Variants in ADAD1 observed in about 807,000 individuals in gnomAD.
ADAD1 encodes the protein adenosine deaminase domain-containing protein 1.
Under a neutral mutation model 66.8 loss-of-function variants are expected in ADAD1, and 46 were observed. The ratio of observed to expected loss-of-function variants is 0.69; its 90% CI spans 0.54 to 0.88. The LOEUF (loss-of-function observed/expected upper bound fraction) is 0.88. Among genes scored for constraint, ADAD1 ranks in the 40% least tolerant of loss-of-function variants. The pLI is 0.00. For synonymous variants in ADAD1, 248 were observed against 229.4 expected (o/e 1.08, Z -0.73); for missense variants, 617 against 681.8 (o/e 0.91, Z 1.06).
chr4:122,390,747 A>T (rs544877677), intron 5 of ADAD1, among the ~76,000 whole-genome samples: 79 of 152,210 alleles, frequency 5.2e-4, no homozygotes, highest in Non-Finnish European at 1.0e-3. Flanking sequence ...CTAGTTAGCA[A>T]TTCCTCTATC....
intron 4 of ADAD1, among the ~76,000 whole-genome samples, 183 bp from the exon 5 acceptor site, chr4:122,383,612 GAGTT>G (rs1374004079): frequency 6.6e-6 from 1 of 152,116 alleles, no homozygotes; most frequent in African/African-American, 2.4e-5. Flanking sequence ...TGAATCCTCA[GAGTT>G]AGTTCAGATG....
Position 122,415,362 on chromosome 4 carries a change from T to C in ADAD1, c.1250-17T>C, listed in dbSNP as rs1580795919. The stretch of plus-strand genomic sequence containing the variant: ...TCTTTTAATATTGAACTTGAGTGTT[T>C]TGTTTTTGCTTTCTAGGTGATGGGA... On this transcript the variant is annotated splice_polypyrimidine_tract_variant and intron_variant, in intron 10 of 12. Coordinates refer to ENST00000296513, the MANE Select transcript of ADAD1 (RefSeq NM_139243.4). 6.3e-7 allele frequency: 1 copy of C among 1,588,714 alleles called. No individual in the cohort carries two copies. Among genetic ancestry groups the C allele is most frequent in the Admixed American group, 1.8e-5 (1 of 57,038 alleles).
intron 7 of ADAD1, among the ~76,000 whole-genome samples, chr4:122,396,722 A>G (rs1011090500): frequency 7.2e-5 from 11 of 152,238 alleles, no homozygotes; most frequent in Admixed American, 2.0e-4. Context: ...TCTTGTGGAC[A>G]TATAATGTGA....
intron 7 of ADAD1, among the ~76,000 whole-genome samples, chr4:122,399,889 G>A (rs1384299736): frequency 6.6e-6 from 1 of 151,752 alleles, no homozygotes; most frequent in Non-Finnish European, 1.5e-5. Flanking sequence ...TATCATATCT[G>A]GGAGGTTTTT....
chr4:122,424,815 A>G (rs1797157573), intron 12 of ADAD1, among the ~76,000 whole-genome samples: 1 of 152,096 alleles, frequency 6.6e-6, no homozygotes, highest in Non-Finnish European at 1.5e-5. Context: ...TGATTCAAAT[A>G]TATGCTGTCT....
At chr4:122,413,851 C>CATAT (rs377322878) in intron 10 of ADAD1, among the ~76,000 whole-genome samples, 30,694 of 126,254 alleles carry the variant, frequency 0.24, 4,457 homozygotes, top group South Asian at 0.51. Context: ...TATGATAGAT[C>CATAT]ATATATATAT....
At chr4:122,395,648 G>C (rs1346402264) in intron 6 of ADAD1, among the ~76,000 whole-genome samples, 2 of 149,530 alleles carry the variant, frequency 1.3e-5, no homozygotes, top group Non-Finnish European at 3.0e-5. Flanking sequence ...CTGGGCAACA[G>C]AGCAAGACTC....
At chr4:122,412,884 A>G in intron 10 of ADAD1, 75 bp downstream of exon 10, 1 of 1,303,306 alleles carries the variant, frequency 7.7e-7, no homozygotes, top group East Asian at 2.3e-5. Context: ...ATCAGTATAA[A>G]ATTAGTTTTA....
chr4:122,412,879 T>G, intron 10 of ADAD1, 70 bp downstream of exon 10: 1 of 1,332,234 alleles, frequency 7.5e-7, no homozygotes, highest in Non-Finnish European at 1.0e-6. Flanking sequence ...TACTTATCAG[T>G]ATAAAATTAG....
intron 7 of ADAD1, 67 bp from the exon 8 acceptor site, chr4:122,407,841 G>A: frequency 1.3e-6 from 2 of 1,522,818 alleles, no homozygotes; most frequent in Non-Finnish European, 1.8e-6. Context: ...ATGAGATAGA[G>A]GTAAGAGGTG....
rs796919407 is a variant in ADAD1 at position 122,400,551 on chromosome 4, A to G, written c.724+4174A>G. ...TTTAGGGATCATTCCCTCTTTCTCC[A>G]TCTTTTGGAATAGTTTCAGTAAGAT... On this transcript the variant is annotated intron_variant, in intron 7 of 12. Coordinates refer to ENST00000296513, the MANE Select transcript of ADAD1 (RefSeq NM_139243.4). 3.3e-5 allele frequency among the ~76,000 whole-genome samples: 5 copies of G among 152,030 alleles called. No homozygotes were observed. In the East Asian group the frequency reaches 5.8e-4, roughly 18 times the overall value.
intron 11 of ADAD1, among the ~76,000 whole-genome samples, chr4:122,420,488 T>C (rs1216209952): frequency 1.3e-5 from 2 of 152,212 alleles, no homozygotes; most frequent in Non-Finnish European, 2.9e-5. Context: ...TTCAGAATTA[T>C]CACACTGTCT....
intron 11 of ADAD1, among the ~76,000 whole-genome samples, chr4:122,418,565 G>T (rs988449884): frequency 6.6e-6 from 1 of 151,864 alleles, no homozygotes; most frequent in East Asian, 1.9e-4. Flanking sequence ...CTCATGATCC[G>T]CCCGCCTTGG....
At chr4:122,407,554 G>A (rs938111710) in intron 7 of ADAD1, among the ~76,000 whole-genome samples, 2 of 152,174 alleles carry the variant, frequency 1.3e-5, no homozygotes, top group African/African-American at 4.8e-5. Flanking sequence ...TAAGACAGAA[G>A]CAGAATGGCA....
At chr4:122,404,599 C>T (rs555578860) in intron 7 of ADAD1, among the ~76,000 whole-genome samples, 28 of 152,198 alleles carry the variant, frequency 1.8e-4, no homozygotes, top group African/African-American at 6.5e-4. Context: ...CTTTGGTTTT[C>T]CTGGTATGTT....
rs1050296297 is a variant in ADAD1, at chr4:122,380,883, G to T, written c.173-109G>T. ...TAGTAGAAACTTAAGAAAAACATATGATGAAGTGTATCTGGGACAACCTTC... is the reference window on the plus strand; with the variant it reads ...TAGTAGAAACTTAAGAAAAACATATTATGAAGTGTATCTGGGACAACCTTC... On this transcript the variant is annotated intron_variant, in intron 3 of 12. Coordinates refer to ENST00000296513, the MANE Select transcript of ADAD1 (RefSeq NM_139243.4). 63 of 985,566 alleles carry T rather than the reference G, an allele frequency of 6.4e-5. No homozygotes were observed. In the African/African-American group the frequency reaches 9.1e-4, roughly 14 times the overall value. The allele number at this position is 985,566 out of a possible 1,614,324, so 61.1% of individuals were successfully genotyped here. A position where few individuals can be genotyped will look rare whatever the true frequency, so the allele number is the denominator to read the frequency against.
intron 3 of ADAD1, 76 bp from the exon 4 acceptor site, chr4:122,380,916 G>A (rs1458161438): frequency 2.3e-6 from 3 of 1,317,972 alleles, no homozygotes; most frequent in Non-Finnish European, 3.1e-6. Context: ...TTCCATTTCG[G>A]GGAGGATTTA....
intron 7 of ADAD1, among the ~76,000 whole-genome samples, 168 bp downstream of exon 7, chr4:122,396,545 C>T (rs1795726298): frequency 6.6e-6 from 1 of 152,196 alleles, no homozygotes; most frequent in African/African-American, 2.4e-5. Flanking sequence ...AGATAAAGCA[C>T]ACTGACCAGG....
In ADAD1 at chr4:122,421,320, G is replaced by A. The variant is rs991790288; in HGVS notation, c.1547G>A (p.Ser516Asn). The change falls in exon 12 of 13, where the codon AGT becomes AAT. Residue 516 changes from serine (S) to asparagine (N), a missense_variant. By Grantham distance (46) the Ser-to-Asn change is conservative. Transcript: ENST00000296513. ...ASRLCKAAML[S>N]RFNLLAKEAK... ...CGGCTTTGTAAGGCTGCAATGTTAA[G>A]TCGGTTTAACCTGCTTGCCAAAGAA... 1 of 1,607,252 alleles carries A rather than the reference G, an allele frequency of 6.2e-7. No homozygotes were observed. The highest frequency in any genetic ancestry group is 8.5e-7 in the Non-Finnish European group (1 of 1,175,244).
Sources: gnomAD v4.1 joint callset for allele counts (sites outside exome capture counted in the v4.1 genomes callset) on GRCh38, gnomAD v4.1.1 for gene constraint, MANE v1.5 for transcripts, NCBI Gene and HGNC (gene_info 2026-07-23, HGNC 2026-07-21) for gene names.